The following FAM135B variants were observed in gnomAD, a reference collection of about 807,000 sequenced individuals.
FAM135B encodes the protein protein FAM135B.
A neutral mutation model predicts 127.7 loss-of-function variants in FAM135B; 43 were observed. That is an observed-to-expected ratio of 0.34 (90% CI 0.26 to 0.43). FAM135B has a LOEUF of 0.43. Among genes scored for constraint, FAM135B ranks in the 20% least tolerant of loss-of-function variants. The pLI, the probability that FAM135B is intolerant of heterozygous loss-of-function variation, is 1.00. For missense variants in FAM135B, 1,558 were observed against 1,725.6 expected (o/e 0.90, Z 1.72); for synonymous variants, 670 against 665.1 (o/e 1.01, Z -0.11).
chr8:138,485,947 A>C (rs930947569), intron 1 of FAM135B, among the ~76,000 whole-genome samples: 2 of 152,100 alleles, frequency 1.3e-5, no homozygotes, highest in African/African-American at 2.4e-5. Context: ...TCTGAGTAGA[A>C]GGTGGGATCC....
chr8:138,138,331 G>A (rs1050232958), intron 18 of FAM135B, among the ~76,000 whole-genome samples: 1 of 152,238 alleles, frequency 6.6e-6, no homozygotes, highest in South Asian at 2.1e-4. Flanking sequence ...AGCAGAGTCA[G>A]TGTTTACAGG....
chr8:138,276,734 A>C (rs2130713287), intron 3 of FAM135B, among the ~76,000 whole-genome samples: 1 of 152,102 alleles, frequency 6.6e-6, no homozygotes, highest in African/African-American at 2.4e-5. Context: ...TAGGGCACAC[A>C]CCCACACACC....
At chr8:138,175,031 C>T (rs896490175) in intron 11 of FAM135B, among the ~76,000 whole-genome samples, 1 of 152,168 alleles carries the variant, frequency 6.6e-6, no homozygotes, top group Non-Finnish European at 1.5e-5. Context: ...CTTCCCTTTA[C>T]ACCTAAAAAA....
At chr8:138,454,228 C>T (rs982247365) in intron 1 of FAM135B, among the ~76,000 whole-genome samples, 1 of 152,062 alleles carries the variant, frequency 6.6e-6, no homozygotes, top group Non-Finnish European at 1.5e-5. Flanking sequence ...ATGGACTTGG[C>T]CAAGGTTCTC....
At chr8:138,142,139 G>C (rs1321734999) in intron 16 of FAM135B, among the ~76,000 whole-genome samples, 1 of 151,992 alleles carries the variant, frequency 6.6e-6, no homozygotes, top group Non-Finnish European at 1.5e-5. Flanking sequence ...TATATCAAGG[G>C]ATTAGCACTA....
Position 138,183,114 on chromosome 8 carries a change from AG to A in FAM135B, c.874-4425del, listed in dbSNP as rs546617178. On this transcript the variant is annotated intron_variant, in intron 9 of 19. Transcript: ENST00000395297. Reference sequence around the variant, plus strand: ...CCAGGTGCCCTCTCCTACATATACAAGGGGGGTGGGGGGGCGGTCTAAGAAT... The same window carrying A: ...CCAGGTGCCCTCTCCTACATATACAAGGGGGTGGGGGGGCGGTCTAAGAAT... 6.8e-3 allele frequency among the ~76,000 whole-genome samples: 305 copies of A among 45,054 alleles called. 3 individuals are homozygous for A. Among genetic ancestry groups the A allele is most frequent in the African/African-American group, 0.023 (296 of 12,862 alleles). The allele number at this position is 45,054 out of a possible 152,430, so 29.6% of individuals were successfully genotyped here.
chr8:138,350,301 C>T (rs75517849), intron 2 of FAM135B, among the ~76,000 whole-genome samples: 2,294 of 152,240 alleles, frequency 0.015, 53 homozygotes, highest in African/African-American at 0.052. Context: ...ATTCCCATGC[C>T]GTTATTCAAA....
At chr8:138,373,314 T>C (rs1831262271) in intron 1 of FAM135B, among the ~76,000 whole-genome samples, 1 of 151,924 alleles carries the variant, frequency 6.6e-6, no homozygotes, top group Non-Finnish European at 1.5e-5. Context: ...TATGCCTGTC[T>C]TTACTGCAAT....
intron 2 of FAM135B, among the ~76,000 whole-genome samples, chr8:138,312,069 C>T (rs1001501417): frequency 1.3e-5 from 2 of 152,116 alleles, no homozygotes; most frequent in African/African-American, 4.8e-5. Context: ...GCCTCAGCCT[C>T]CCACGTAGCT....
intron 3 of FAM135B, among the ~76,000 whole-genome samples, chr8:138,298,280 A>G (rs1300267793): frequency 1.3e-5 from 2 of 152,210 alleles, no homozygotes; most frequent in East Asian, 1.9e-4. Flanking sequence ...GCCCATATAT[A>G]ATAAATTAAC....
At chr8:138,419,318 A>G (rs747249692) in intron 1 of FAM135B, among the ~76,000 whole-genome samples, 1 of 152,196 alleles carries the variant, frequency 6.6e-6, no homozygotes, top group Non-Finnish European at 1.5e-5. Context: ...ACTATACTAA[A>G]TACATATGCA....
At chr8:138,371,404 ATCT>A (rs560867360) in intron 1 of FAM135B, among the ~76,000 whole-genome samples, 7 of 152,164 alleles carry the variant, frequency 4.6e-5, no homozygotes, top group Admixed American at 3.3e-4. Context: ...ACACACACAA[ATCT>A]TCATCACACA....
chr8:138,138,906 A>G lies in FAM135B; in HGVS notation c.3901+80T>C, dbSNP rs1816888319. 3.3e-6 allele frequency: 3 copies of G among 909,914 alleles called. No individual in the cohort carries two copies. In the East Asian group the frequency reaches 7.3e-5, roughly 22 times the overall value. The allele number at this position is 909,914 out of a possible 1,614,324, so 56.4% of individuals were successfully genotyped here. On this transcript the variant is annotated intron_variant, in intron 18 of 19. Coordinates refer to ENST00000395297, the MANE Select transcript of FAM135B (RefSeq NM_015912.4). The stretch of plus-strand genomic sequence containing the variant: ...GGCCCTTCTGTGAGTGAATCAATGT[A>G]GCATTATATCTCATTTGTGTCTCAG...
At chr8:138,447,278 C>T (rs1385616255) in intron 1 of FAM135B, among the ~76,000 whole-genome samples, 1 of 152,060 alleles carries the variant, frequency 6.6e-6, no homozygotes, top group African/African-American at 2.4e-5. Context: ...CTAGAAATAC[C>T]ATTTGACCCA....
intron 1 of FAM135B, among the ~76,000 whole-genome samples, chr8:138,410,723 G>A (rs941868645): frequency 2.0e-5 from 3 of 152,152 alleles, no homozygotes; most frequent in African/African-American, 7.2e-5. Context: ...GAAAGCGGTT[G>A]GAGATTTCCC....
intron 1 of FAM135B, among the ~76,000 whole-genome samples, chr8:138,444,185 C>T (rs901632265): frequency 2.0e-5 from 3 of 152,098 alleles, no homozygotes; most frequent in Non-Finnish European, 2.9e-5. Flanking sequence ...GACTTAGGCT[C>T]CCACACAATA....
intron 6 of FAM135B, among the ~76,000 whole-genome samples, chr8:138,245,029 C>T (rs1821168434): frequency 6.6e-6 from 1 of 152,128 alleles, no homozygotes; most frequent in Admixed American, 6.5e-5. Flanking sequence ...TTAAAGGGTT[C>T]CCTTTGTTTC....
intron 1 of FAM135B, among the ~76,000 whole-genome samples, chr8:138,373,837 A>G (rs1221011124): frequency 6.6e-6 from 1 of 152,078 alleles, no homozygotes; most frequent in Non-Finnish European, 1.5e-5. Flanking sequence ...AGGAAGAGGA[A>G]ATTCTCACCT....
At chr8:138,391,211 G>A (rs1040101676) in intron 1 of FAM135B, among the ~76,000 whole-genome samples, 7 of 151,892 alleles carry the variant, frequency 4.6e-5, no homozygotes, top group African/African-American at 1.7e-4. Flanking sequence ...AGAGAGACTG[G>A]TGAAATGCAG....
Sources: allele counts gnomAD v4.1 joint callset (sites outside exome capture counted in the v4.1 genomes callset), GRCh38; gene constraint gnomAD v4.1.1; transcripts MANE v1.5; gene names NCBI Gene and HGNC (gene_info 2026-07-23, HGNC 2026-07-21).